RASGRP2: variants seen among roughly 807,000 people sequenced by gnomAD.
RASGRP2 encodes the protein RAS guanyl-releasing protein 2.
In RASGRP2, 44 loss-of-function variants were observed where a neutral mutation model predicts 71.0. The observed-to-expected ratio is 0.62, with a 90% CI of 0.49 to 0.80. The LOEUF is 0.80. Among genes scored for constraint, RASGRP2 ranks in the 30% least tolerant of loss-of-function variants. RASGRP2 has a pLI of 0.00. For missense variants in RASGRP2, 663 were observed against 813.4 expected, an observed-to-expected ratio of 0.82 and a Z score of 2.25; for synonymous variants, 350 against 330.7, an observed-to-expected ratio of 1.06 and a Z score of -0.63.
rs901454769 is a variant in RASGRP2 at position 64,735,065 on chromosome 11, T to C, written c.1412+47A>G. On this transcript the variant is annotated intron_variant, in intron 12 of 16. Coordinates refer to ENST00000394432, the MANE Select transcript of RASGRP2 (RefSeq NM_001098671.2). This position sits in a 1 kb window ranked among gnomAD's most constrained non-coding sequence, Gnocchi z 4.2. ...CAAGAAACTGAAGCCCAGGCAGAAGTGGGCTGAGTTGCCTTCCCTCTCCCC... is the reference window on the plus strand; with the variant it reads ...CAAGAAACTGAAGCCCAGGCAGAAGCGGGCTGAGTTGCCTTCCCTCTCCCC... 3 of 1,392,792 alleles carry C rather than the reference T, an allele frequency of 2.2e-6. No homozygotes were observed. Among genetic ancestry groups the C allele is most frequent in the Admixed American group, 1.7e-5 (1 of 59,682 alleles). 86.3% of individuals were successfully genotyped at this position (1,392,792 alleles called of 1,614,324 possible).
At position 64,741,622 on chromosome 11, in the gene RASGRP2, A is replaced by G. The variant is rs1460030302; in HGVS notation, c.177-121T>C. The G allele has an allele frequency of 4.6e-6, 4 of 876,354 alleles. No individual in the cohort carries two copies. The South Asian group carries it at 5.7e-5, about 12-fold the overall frequency. The allele number at this position is 876,354 out of a possible 1,614,324, so 54.3% of individuals were successfully genotyped here. ...TAGGGATGGGGCTTGCGCTCTGCGG[A>G]GATGCTGGGGGTGAGGCTTGAGCTC... On this transcript the variant is annotated intron_variant, in intron 3 of 16. Transcript: ENST00000394432.
In RASGRP2 at chr11:64,733,395, AACACACACACACAC is replaced by A. The variant is rs4014428; in HGVS notation, c.1412+1703_1412+1716del. ...ACCCAACCAGGGCTTCCCCCTCACC[AACACACACACACAC>A]ACACACACACACACACACACACACA... On this transcript the variant is annotated intron_variant, in intron 12 of 16. Coordinates refer to ENST00000394432, the MANE Select transcript of RASGRP2 (RefSeq NM_001098671.2). Among the ~76,000 whole-genome samples the A allele has an allele frequency of 7.6e-3, 949 of 124,896 alleles. 10 individuals carry two copies. The highest frequency in any genetic ancestry group is 0.033 in the East Asian group (144 of 4,396). 81.9% of individuals were successfully genotyped at this position (124,896 alleles called of 152,430 possible). A position where few individuals can be genotyped will look rare whatever the true frequency, so the allele number is the denominator to read the frequency against.
rs2057656131 is a variant in RASGRP2 at position 64,728,711 on chromosome 11, G to A, written c.1771+152C>T. ...GCCTCCCAAAGTGCTGGGATTACAG[G>A]CGTGAGCCACCGCGCCCGGCCTGTC... On this transcript the variant is annotated intron_variant, in intron 15 of 16. Coordinates refer to ENST00000394432, the MANE Select transcript of RASGRP2 (RefSeq NM_001098671.2). 7.0e-6 allele frequency: 6 copies of A among 857,004 alleles called. No individual in the cohort carries two copies. The Admixed American group carries it at 8.8e-5, about 13-fold the overall frequency. 53.1% of individuals were successfully genotyped at this position (857,004 alleles called of 1,614,324 possible).
intron 8 of RASGRP2, chr11:64,737,273 G>A (rs1303940062): frequency 5.3e-6 from 3 of 565,006 alleles, no homozygotes; most frequent in Admixed American, 3.0e-5. Context: ...TGGATGCAGG[G>A]AATCATCAAC....
chr11:64,732,780 CAAA>C (rs35422929), intron 12 of RASGRP2, among the ~76,000 whole-genome samples: 3 of 129,432 alleles, frequency 2.3e-5, no homozygotes, highest in African/African-American at 5.8e-5. Context: ...GACTCTGTCT[CAAA>C]AAAAAAAAAA....
chr11:64,740,734 A>AG, intron 5 of RASGRP2: 1 of 695,200 alleles, frequency 1.4e-6, no homozygotes, highest in Non-Finnish European at 2.6e-6. Context: ...CAGCTACAGG[A>AG]GGAGGTGTGT....
Position 64,735,642 on chromosome 11 carries a change from G to A in RASGRP2, c.1196C>T (p.Thr399Ile). ...KSSPTSPTSC[T>I]PPPRPPVLEE... is the part of the protein sequence containing the mutation. ...CAGTACCGGGGGCCGGGGTGGTGGGGTGCAACTCGTGGGGCTGGTTGGCTA... is the reference window on the plus strand; with the variant it reads ...CAGTACCGGGGGCCGGGGTGGTGGGATGCAACTCGTGGGGCTGGTTGGCTA... Residue 399 changes from threonine (T) to isoleucine (I), a missense_variant, in exon 11 of 17, where the codon ACC becomes ATC. By Grantham distance (89) the Thr-to-Ile change is moderately conservative (BLOSUM62 -1). Transcript: ENST00000394432. This position sits in a 1 kb window ranked among gnomAD's most constrained non-coding sequence, Gnocchi z 4.2. 3 of 1,613,050 alleles carry A rather than the reference G, an allele frequency of 1.9e-6. No homozygotes were observed. Among genetic ancestry groups the A allele is most frequent in the Non-Finnish European group, 2.5e-6 (3 of 1,179,686 alleles).
Position 64,739,853 on chromosome 11 carries a change from C to T in RASGRP2, c.523-44G>A. 6.2e-7 allele frequency: 1 copy of T among 1,611,530 alleles called. No homozygotes were observed. The highest frequency in any genetic ancestry group is 1.1e-5 in the South Asian group (1 of 91,012). On this transcript the variant is annotated intron_variant, in intron 6 of 16. Coordinates refer to ENST00000394432, the MANE Select transcript of RASGRP2 (RefSeq NM_001098671.2). This position sits in a 1 kb window ranked among gnomAD's most constrained non-coding sequence, Gnocchi z 4.2. ...GCCTCAGCACCTTGCTGGCCTCTCC[C>T]CTCACTGATAGCCACTCCTCACCCT...
At chr11:64,733,934 C>T (rs1196284671) in intron 12 of RASGRP2, among the ~76,000 whole-genome samples, 1 of 149,128 alleles carries the variant, frequency 6.7e-6, no homozygotes, top group Non-Finnish European at 1.5e-5. Context: ...TCACTGCAGT[C>T]TCAACCTCCT....
intron 15 of RASGRP2, among the ~76,000 whole-genome samples, chr11:64,727,581 C>G (rs1181441345): frequency 6.9e-6 from 1 of 145,818 alleles, no homozygotes; most frequent in African/African-American, 2.5e-5. Flanking sequence ...GGCGCAATCT[C>G]GGCTCTCTGC....
In RASGRP2 at chr11:64,743,835, T is replaced by G; in HGVS notation, c.-72+168A>C. The G allele has an allele frequency of 3.3e-6, 1 of 306,002 alleles. No individual in the cohort carries two copies. The highest frequency in any genetic ancestry group is 5.4e-6 in the Non-Finnish European group (1 of 185,800). The allele number at this position is 306,002 out of a possible 1,614,324, so 19.0% of individuals were successfully genotyped here. ...TACGCACCCTGGCAGGGGCAAACAC[T>G]CCACACCCAAGTTATTCGTCGGAGG... On this transcript the variant is annotated intron_variant, in intron 1 of 16. Transcript: ENST00000394432. This position sits in a 1 kb window ranked among gnomAD's most constrained non-coding sequence, Gnocchi z 4.9.
Position 64,739,295 on chromosome 11 carries a change from T to G in RASGRP2, c.813+65A>C, listed in dbSNP as rs1209518104. ...GAGGACAGCTGTGCCCAGCCCCCAG[T>G]GCTGCTGGGAGGACCCAGTGAAGAC... is the stretch of plus-strand genomic sequence containing the variant. On this transcript the variant is annotated intron_variant, in intron 8 of 16. Coordinates refer to ENST00000394432, the MANE Select transcript of RASGRP2 (RefSeq NM_001098671.2). This position sits in a 1 kb window ranked among gnomAD's most constrained non-coding sequence, Gnocchi z 4.2. 1 of 1,227,586 alleles carries G rather than the reference T, an allele frequency of 8.1e-7. No homozygotes were observed. Among genetic ancestry groups the G allele is most frequent in the Non-Finnish European group, 1.2e-6 (1 of 828,336 alleles). 76.0% of individuals were successfully genotyped at this position (1,227,586 alleles called of 1,614,324 possible).
chr11:64,740,469 A>G (rs1364630212), intron 5 of RASGRP2: 4 of 635,966 alleles, frequency 6.3e-6, no homozygotes, highest in Non-Finnish European at 1.2e-5. Context: ...ACAGACACAG[A>G]AACACATGAT....
intron 8 of RASGRP2, among the ~76,000 whole-genome samples, chr11:64,738,419 A>T (rs1012080838): frequency 3.9e-5 from 6 of 152,050 alleles, no homozygotes; most frequent in Non-Finnish European, 7.4e-5. Flanking sequence ...TTTTCTTTAA[A>T]CTATTCATAT....
In RASGRP2 at chr11:64,742,972, G is replaced by C. The variant is rs1002642103; in HGVS notation, c.-71-35C>G. 6.6e-6 allele frequency: 10 copies of C among 1,512,396 alleles called. No individual in the cohort carries two copies. The highest frequency in any genetic ancestry group is 8.8e-6 in the Non-Finnish European group (10 of 1,134,898). 93.7% of individuals were successfully genotyped at this position (1,512,396 alleles called of 1,614,324 possible). On this transcript the variant is annotated intron_variant, in intron 1 of 16. Transcript: ENST00000394432. This position sits in a 1 kb window ranked among gnomAD's most constrained non-coding sequence, Gnocchi z 4.7. ...GAGAGGCAGAGCGGGAGTCTGCGGA[G>C]TCGCGGGCGGGGGAGCGGCCCCGCG...
chr11:64,738,264 C>T (rs2058011842), intron 8 of RASGRP2, among the ~76,000 whole-genome samples: 1 of 152,132 alleles, frequency 6.6e-6, no homozygotes, highest in African/African-American at 2.4e-5. Flanking sequence ...CGCATACCTA[C>T]ATGGTGAAGC....
Position 64,735,831 on chromosome 11 carries a change from C to T in RASGRP2, c.1173+72G>A, listed in dbSNP as rs1233737425. ...GGATGGGTGAGGTGGCTGCTAAGAG[C>T]TCTTCCCATCCTCACATCCTGGGAT... On this transcript the variant is annotated intron_variant, in intron 10 of 16. Coordinates refer to ENST00000394432, the MANE Select transcript of RASGRP2 (RefSeq NM_001098671.2). This position sits in a 1 kb window ranked among gnomAD's most constrained non-coding sequence, Gnocchi z 4.2. 2.0e-6 allele frequency: 3 copies of T among 1,526,544 alleles called. No individual in the cohort carries two copies. Among genetic ancestry groups the T allele is most frequent in the Middle Eastern group, 1.8e-4 (1 of 5,540 alleles). 94.6% of individuals were successfully genotyped at this position (1,526,544 alleles called of 1,614,324 possible).
chr11:64,729,735 G>A (rs751091947), intron 14 of RASGRP2, 27 bp downstream of exon 14: 1 of 1,612,324 alleles, frequency 6.2e-7, no homozygotes, highest in South Asian at 1.1e-5. Flanking sequence ...ACACTGCCCA[G>A]CAGCCCTTCC....
At chr11:64,731,563 G>A (rs997157771) in intron 12 of RASGRP2, among the ~76,000 whole-genome samples, 2 of 151,782 alleles carry the variant, frequency 1.3e-5, no homozygotes, top group Non-Finnish European at 2.9e-5. Flanking sequence ...AACAGCAAAG[G>A]GTTAATATCC....
Sources: allele counts gnomAD v4.1 joint callset (sites outside exome capture counted in the v4.1 genomes callset), GRCh38; gene constraint gnomAD v4.1.1; non-coding constraint Gnocchi (gnomAD v3.1); transcripts MANE v1.5; gene names NCBI Gene and HGNC (gene_info 2026-07-23, HGNC 2026-07-21).